Variants in NCAM2 observed in about 807,000 individuals in gnomAD.
NCAM2 encodes the protein N-CAM-2.
In NCAM2, 30 loss-of-function variants were observed where a neutral mutation model predicts 98.1. The observed-to-expected ratio is 0.31, with a 90% confidence interval of 0.23 to 0.41. NCAM2 has a LOEUF of 0.41. Ranked by LOEUF, NCAM2 falls within the 10% of genes least tolerant of loss-of-function variation. The pLI is 1.00. For missense variants in NCAM2, 867 were observed against 1,005.8 expected (o/e 0.86, Z 1.87); for synonymous variants, 368 against 342.4 (o/e 1.07, Z -0.83).
chr21:21,122,614 T>C (rs2146572377), intron 1 of NCAM2, among the ~76,000 whole-genome samples: 1 of 152,302 alleles, frequency 6.6e-6, no homozygotes, highest in African/African-American at 2.4e-5. Flanking sequence ...CTCCAGTTAG[T>C]TGGTGGGTTG....
Position 21,284,418 on chromosome 21 carries a change from A to G in NCAM2, c.337+18A>G. 1 of 1,575,008 alleles carries G rather than the reference A, an allele frequency of 6.3e-7. No homozygotes were observed. The highest frequency in any genetic ancestry group is 8.7e-7 in the Non-Finnish European group (1 of 1,147,166). On this transcript the variant is annotated intron_variant, in intron 3 of 17. Transcript: ENST00000400546. ...AATTTACCGTAAGTAATGTATTTAT[A>G]TGTTTTAGTTTATTCAATTTCAGTT...
At chr21:21,332,048 G>A (rs184860582) in intron 6 of NCAM2, among the ~76,000 whole-genome samples, 39 of 151,738 alleles carry the variant, frequency 2.6e-4, no homozygotes, top group Admixed American at 1.4e-3. Flanking sequence ...GACTACAGGC[G>A]CCCACCACCA....
At chr21:21,384,475 A>AT (rs1405558667) in intron 9 of NCAM2, among the ~76,000 whole-genome samples, 1 of 151,792 alleles carries the variant, frequency 6.6e-6, no homozygotes, top group Non-Finnish European at 1.5e-5. Flanking sequence ...AAAATTTATT[A>AT]TTTTTCACAA....
At chr21:21,491,098 C>A (rs908042676) in intron 15 of NCAM2, among the ~76,000 whole-genome samples, 1 of 151,690 alleles carries the variant, frequency 6.6e-6, no homozygotes, top group Non-Finnish European at 1.5e-5. Flanking sequence ...AGGTAATAAA[C>A]TTATACTCAT....
At chr21:21,356,603 A>G (rs988397730) in intron 8 of NCAM2, among the ~76,000 whole-genome samples, 3 of 152,154 alleles carry the variant, frequency 2.0e-5, no homozygotes, top group Non-Finnish European at 4.4e-5. Flanking sequence ...CATTTCCTTT[A>G]TTACTAACCC....
Position 21,525,538 on chromosome 21 carries a change from C to A in NCAM2, c.2283-8999C>A, listed in dbSNP as rs139992711. Among the ~76,000 whole-genome samples, 414 of 152,194 alleles carry A rather than the reference C, an allele frequency of 2.7e-3. 4 individuals carry two copies. Among genetic ancestry groups the A allele is most frequent in the African/African-American group, 9.7e-3 (402 of 41,566 alleles). On this transcript the variant is annotated intron_variant, in intron 16 of 17. Transcript: ENST00000400546. ...ATTAATAATTTATAGTCTCCCCAGA[C>A]AGAAAGCACCAAGCCCAGACAAGTT... is the stretch of plus-strand genomic sequence containing the variant.
chr21:21,268,125 T>C (rs76361110), intron 1 of NCAM2, among the ~76,000 whole-genome samples: 2,709 of 152,208 alleles, frequency 0.018, 84 homozygotes, highest in East Asian at 0.14. Flanking sequence ...CACGCATGAC[T>C]CGGTCTAAGT....
chr21:21,343,501 A>G (rs1164637374), intron 8 of NCAM2, among the ~76,000 whole-genome samples: 1 of 152,168 alleles, frequency 6.6e-6, no homozygotes, highest in Non-Finnish European at 1.5e-5. Context: ...TCCTGAATAA[A>G]CAACACCAAC....
At chr21:21,350,878 G>A (rs550805222) in intron 8 of NCAM2, among the ~76,000 whole-genome samples, 3 of 149,392 alleles carry the variant, frequency 2.0e-5, no homozygotes, top group South Asian at 2.1e-4. Flanking sequence ...ACGAGGTCAG[G>A]AGATGGAGAC....
intron 1 of NCAM2, chr21:21,210,752 G>GCCTTT: frequency 2.6e-6 from 2 of 775,126 alleles, no homozygotes; most frequent in Non-Finnish European, 3.5e-6. Context: ...TCATTGAAAG[G>GCCTTT]CAATGAGGTG....
intron 1 of NCAM2, among the ~76,000 whole-genome samples, chr21:21,211,721 C>T (rs2069666518): frequency 6.6e-6 from 1 of 152,192 alleles, no homozygotes. Flanking sequence ...GTGGTCACTG[C>T]TTCTTTCCAC....
chr21:21,204,116 A>T (rs1016481199), intron 1 of NCAM2, among the ~76,000 whole-genome samples: 1 of 152,094 alleles, frequency 6.6e-6, no homozygotes, highest in African/African-American at 2.4e-5. Flanking sequence ...ACTGCACATG[A>T]TCCATCTTCA....
chr21:21,252,145 A>G (rs1182984256), intron 1 of NCAM2, among the ~76,000 whole-genome samples: 1 of 152,120 alleles, frequency 6.6e-6, no homozygotes, highest in Non-Finnish European at 1.5e-5. Flanking sequence ...CAAAACCACA[A>G]TGAGATACCA....
intron 1 of NCAM2, among the ~76,000 whole-genome samples, chr21:21,220,774 G>T (rs959649062): frequency 6.6e-6 from 1 of 152,032 alleles, no homozygotes; most frequent in Non-Finnish European, 1.5e-5. Flanking sequence ...ACTGGGGTGG[G>T]GCCTTAGATT....
chr21:21,502,342 A>G (rs1987691795), intron 15 of NCAM2, among the ~76,000 whole-genome samples: 1 of 151,964 alleles, frequency 6.6e-6, no homozygotes, highest in Non-Finnish European at 1.5e-5. Context: ...AATGATTCAA[A>G]TTTGAGGTAA....
At chr21:21,141,967 TGATA>T (rs1274724316) in intron 1 of NCAM2, among the ~76,000 whole-genome samples, 4 of 152,158 alleles carry the variant, frequency 2.6e-5, no homozygotes, top group Non-Finnish European at 2.9e-5. Context: ...ACATGAAAGA[TGATA>T]GATAGAGATA....
chr21:21,113,591 CTA>C (rs1358952910), intron 1 of NCAM2, among the ~76,000 whole-genome samples: 1 of 151,834 alleles, frequency 6.6e-6, no homozygotes, highest in East Asian at 1.9e-4. Flanking sequence ...GACTGGGAAA[CTA>C]TGATTATTAA....
At chr21:21,378,097 A>G (rs1381483784) in intron 9 of NCAM2, among the ~76,000 whole-genome samples, 1 of 151,974 alleles carries the variant, frequency 6.6e-6, no homozygotes, top group Non-Finnish European at 1.5e-5. Flanking sequence ...GTGGACATTT[A>G]GGTTGATTCC....
chr21:21,450,793 T>TACACACACAC (rs71195329), intron 12 of NCAM2, among the ~76,000 whole-genome samples: 11 of 143,426 alleles, frequency 7.7e-5, no homozygotes, highest in East Asian at 6.3e-4. Context: ...TATGTATGTA[T>TACACACACAC]ACACACACAC....
Sources: allele counts gnomAD v4.1 joint callset (sites outside exome capture counted in the v4.1 genomes callset), GRCh38; gene constraint gnomAD v4.1.1; transcripts MANE v1.5; gene names NCBI Gene and HGNC (gene_info 2026-07-23, HGNC 2026-07-21).